Variants in CCDC171 observed in about 807,000 individuals in gnomAD.
CCDC171 encodes the protein coiled-coil domain-containing protein 171.
A neutral mutation model predicts 168.2 loss-of-function variants in CCDC171; 177 were observed. The ratio of observed to expected loss-of-function variants is 1.05; its 90% CI spans 0.93 to 1.19. The LOEUF (loss-of-function observed/expected upper bound fraction) is 1.19. CCDC171 is among the 50% of genes most tolerant of loss of function. The pLI, the probability that CCDC171 is intolerant of heterozygous loss-of-function variation, is 0.00. For synonymous variants in CCDC171, 687 were observed against 540.8 expected (o/e 1.27, Z -3.75); for missense variants, 1,991 against 1,539.0 (o/e 1.29, Z -4.91).
At chr9:16,070,189 G>C in the CCDC171 span, among the ~76,000 whole-genome samples, 1 of 152,140 alleles carries the variant, frequency 6.6e-6, no homozygotes, top group Non-Finnish European at 1.5e-5. Context: ...GCACTGGGGA[G>C]ATGATTCATA....
rs567102511 is a variant in CCDC171, at chr9:16,008,667, C to G, written n.369-11922C>G. ...GGCTGCTGCCCCTCTCCTTGCATCGCTGGGCCCCAGGTCTTGCCCCTGGCA... is the reference window on the plus strand; with the variant it reads ...GGCTGCTGCCCCTCTCCTTGCATCGGTGGGCCCCAGGTCTTGCCCCTGGCA... On this transcript the variant is annotated intron_variant and non_coding_transcript_variant, in intron 3 of 9. Coordinates refer to the CCDC171 transcript ENST00000486641. Among the ~76,000 whole-genome samples, 7 of 152,280 alleles carry G rather than the reference C, an allele frequency of 4.6e-5. No individual in the cohort carries two copies. The South Asian group carries it at 1.5e-3, about 32-fold the overall frequency.
intron 6 of CCDC171, among the ~76,000 whole-genome samples, chr9:15,606,507 T>G (rs1201665007): frequency 6.6e-6 from 1 of 152,214 alleles, no homozygotes; most frequent in African/African-American, 2.4e-5. Flanking sequence ...GAGGAGGAAC[T>G]TGTTCTGGGT....
At chr9:15,577,590 C>G (rs138382171) in intron 3 of CCDC171, among the ~76,000 whole-genome samples, 5 of 152,260 alleles carry the variant, frequency 3.3e-5, no homozygotes, top group African/African-American at 9.6e-5. Flanking sequence ...TTTCTGATAC[C>G]AAGAGCAATA....
chr9:16,040,833 C>T (rs533056900), upstream of CCDC171, among the ~76,000 whole-genome samples: 21 of 152,288 alleles, frequency 1.4e-4, no homozygotes, highest in South Asian at 4.4e-3. Context: ...ACCCCAAACA[C>T]ACATTCACAT....
intron 25 of CCDC171, among the ~76,000 whole-genome samples, chr9:15,953,082 G>A (rs1159251623): frequency 6.6e-6 from 1 of 152,068 alleles, no homozygotes; most frequent in African/African-American, 2.4e-5. Context: ...TATTTTGTGT[G>A]GAATCTTTAG....
intron 10 of CCDC171, among the ~76,000 whole-genome samples, chr9:15,688,533 G>T (rs780353408): frequency 6.6e-5 from 10 of 152,132 alleles, no homozygotes; most frequent in Non-Finnish European, 1.3e-4. Flanking sequence ...GATCAAGTGG[G>T]ATTTATCTCA....
At chr9:15,950,139 C>G (rs1828946629) in intron 25 of CCDC171, among the ~76,000 whole-genome samples, 3 of 152,090 alleles carry the variant, frequency 2.0e-5, no homozygotes, top group South Asian at 4.1e-4. Flanking sequence ...AAGACCAAAT[C>G]TACGTCTGAT....
chr9:15,598,535 C>G (rs936413725), intron 6 of CCDC171, among the ~76,000 whole-genome samples: 2 of 152,064 alleles, frequency 1.3e-5, no homozygotes, highest in African/African-American at 4.8e-5. Context: ...AATTTCTGTT[C>G]TTTTACATTT....
At chr9:15,911,568 A>G (rs1388682155) in intron 24 of CCDC171, among the ~76,000 whole-genome samples, 1 of 152,180 alleles carries the variant, frequency 6.6e-6, no homozygotes, top group East Asian at 1.9e-4. Context: ...CCATTTGTCA[A>G]TTCTGGCTTT....
chr9:15,829,258 A>T (rs2060135934), intron 21 of CCDC171, among the ~76,000 whole-genome samples: 3 of 152,146 alleles, frequency 2.0e-5, no homozygotes, highest in Non-Finnish European at 4.4e-5. Flanking sequence ...TGATGTGTGG[A>T]TGGGAAGGGA....
At chr9:15,803,120 G>A (rs1252338795) in intron 21 of CCDC171, among the ~76,000 whole-genome samples, 1 of 151,322 alleles carries the variant, frequency 6.6e-6, no homozygotes, top group Non-Finnish European at 1.5e-5. Flanking sequence ...TTGGTTGTTT[G>A]TTTTGTAAAT....
the CCDC171 span, among the ~76,000 whole-genome samples, chr9:16,071,303 C>T: frequency 6.6e-6 from 1 of 152,162 alleles, no homozygotes; most frequent in African/African-American, 2.4e-5. Context: ...TGATTGCCAG[C>T]ATTGTGGCTA....
intron 24 of CCDC171, among the ~76,000 whole-genome samples, chr9:15,878,994 T>C (rs551999748): frequency 1.6e-4 from 25 of 152,000 alleles, no homozygotes; most frequent in African/African-American, 6.0e-4. Context: ...AGGGAGAGGA[T>C]CAGAAAAAAT....
At chr9:15,842,920 GA>G (rs2060743876) in intron 21 of CCDC171, among the ~76,000 whole-genome samples, 1 of 151,716 alleles carries the variant, frequency 6.6e-6, no homozygotes, top group South Asian at 2.1e-4. Flanking sequence ...AGGAACTATG[GA>G]TAAGAAAAAA....
downstream of CCDC171, among the ~76,000 whole-genome samples, chr9:15,977,352 T>C (rs1273150279): frequency 2.0e-5 from 3 of 152,202 alleles, no homozygotes; most frequent in African/African-American, 7.2e-5. Flanking sequence ...GTGTTCTTAC[T>C]CTTTGCAGTA....
intron 11 of CCDC171, among the ~76,000 whole-genome samples, chr9:15,699,695 G>A (rs2051534989): frequency 1.3e-5 from 2 of 152,168 alleles, no homozygotes; most frequent in Non-Finnish European, 2.9e-5. Context: ...TAGACACGGG[G>A]TACTGATTGG....
chr9:15,902,744 C>T (rs1821889793), intron 24 of CCDC171, among the ~76,000 whole-genome samples: 1 of 152,156 alleles, frequency 6.6e-6, no homozygotes, highest in Non-Finnish European at 1.5e-5. Flanking sequence ...CATCACCTCA[C>T]CTGGGAAGCA....
rs542309313 is a variant in CCDC171, at chr9:15,598,988, T to C, written c.675+4816T>C. On this transcript the variant is annotated intron_variant, in intron 6 of 25. Coordinates refer to ENST00000380701, the MANE Select transcript of CCDC171 (RefSeq NM_173550.4). ...GATTGCAACCCCTGCCTTTTTTGTT[T>C]TCCATTTGCTTGGTGGATCTTCCTC... 3.2e-4 allele frequency among the ~76,000 whole-genome samples: 49 copies of C among 152,292 alleles called. No individual in the cohort carries two copies. The East Asian group carries it at 9.4e-3, about 29-fold the overall frequency.
At chr9:15,804,015 C>T (rs775594137) in intron 21 of CCDC171, among the ~76,000 whole-genome samples, 2 of 152,072 alleles carry the variant, frequency 1.3e-5, no homozygotes, top group African/African-American at 4.8e-5. Context: ...GGAGTTCATT[C>T]ATGATTTGGC....
Sources: gnomAD v4.1 joint callset for allele counts (sites outside exome capture counted in the v4.1 genomes callset) on GRCh38, gnomAD v4.1.1 for gene constraint, MANE v1.5 for transcripts, NCBI Gene and HGNC (gene_info 2026-07-23, HGNC 2026-07-21) for gene names.